The following APP variants were observed in gnomAD, a reference collection of about 807,000 sequenced individuals.
The protein encoded by APP is amyloid-beta precursor protein.
APP carries 31 observed loss-of-function variants against 101.4 expected under a neutral mutation model. The ratio of observed to expected loss-of-function variants is 0.31; its 90% CI spans 0.23 to 0.41. The LOEUF (loss-of-function observed/expected upper bound fraction) is 0.41, where lower values mean the gene tolerates loss of function less well. Among genes scored for constraint, APP ranks in the 10% least tolerant of loss-of-function variants. The pLI is 1.00. For missense variants in APP, 839 were observed against 1,003.7 expected, an observed-to-expected ratio of 0.84 and a Z score of 2.22; for synonymous variants, 366 against 364.4, an observed-to-expected ratio of 1.00 and a Z score of -0.05.
chr21:26,080,796 C>A (rs2146076554), intron 3 of APP, among the ~76,000 whole-genome samples: 1 of 151,362 alleles, frequency 6.6e-6, no homozygotes, highest in South Asian at 2.1e-4. Flanking sequence ...AAAAAAAAAT[C>A]CTGCTTTCCA....
chr21:25,976,005 T>C lies in APP; in HGVS notation c.1248A>G (p.Ala416=), dbSNP rs556540232. ...TAGGCAAGTTCTTTGCTTGACGTTC[T>C]GCCTCTTCCCATTCTCTCATGACCT... ...MSQVMREWEE[A]ERQAKNLPKA... The change falls in exon 10 of 18, where the codon GCA becomes GCG. Residue 416 remains alanine (A), a synonymous_variant. Coordinates refer to ENST00000346798, the MANE Select transcript of APP (RefSeq NM_000484.4). 23 of 1,613,918 alleles carry C rather than the reference T, an allele frequency of 1.4e-5. No homozygotes were observed. The African/African-American group carries it at 3.1e-4, about 22-fold the overall frequency.
At chr21:26,081,468 T>C (rs2061597865) in intron 3 of APP, among the ~76,000 whole-genome samples, 1 of 152,108 alleles carries the variant, frequency 6.6e-6, no homozygotes, top group African/African-American at 2.4e-5. Context: ...AAGAAGGAAT[T>C]TCACAAGATA....
At chr21:25,999,188 A>T (rs959038681) in intron 7 of APP, among the ~76,000 whole-genome samples, 2 of 152,108 alleles carry the variant, frequency 1.3e-5, no homozygotes, top group Admixed American at 1.3e-4. Context: ...GCTGCTGGGG[A>T]GGCTGAGGCA....
chr21:26,124,991 A>G (rs1252927614), intron 1 of APP, among the ~76,000 whole-genome samples: 7 of 152,264 alleles, frequency 4.6e-5, no homozygotes, highest in Non-Finnish European at 8.8e-5. Context: ...TGGAGTGTTA[A>G]TGCAGAGGTC....
chr21:25,981,711 G>GTTT (rs11330953), intron 9 of APP, among the ~76,000 whole-genome samples: 8 of 127,352 alleles, frequency 6.3e-5, no homozygotes, highest in Admixed American at 2.4e-4. Context: ...ACCAAAACAG[G>GTTT]TTTTTTTTTT....
intron 11 of APP, among the ~76,000 whole-genome samples, chr21:25,969,049 T>TAA (rs2146542644): frequency 6.6e-6 from 1 of 152,086 alleles, no homozygotes; most frequent in East Asian, 1.9e-4. Flanking sequence ...GAGGAAGGTA[T>TAA]AAAAGTCCTC....
chr21:26,092,436 A>T (rs2146121348), intron 2 of APP, among the ~76,000 whole-genome samples: 1 of 152,322 alleles, frequency 6.6e-6, no homozygotes, highest in African/African-American at 2.4e-5. Context: ...ATACTATATG[A>T]CATTCTTCCC....
At chr21:25,929,682 C>CA (rs1296542914) in intron 13 of APP, among the ~76,000 whole-genome samples, 1 of 152,104 alleles carries the variant, frequency 6.6e-6, no homozygotes, top group Non-Finnish European at 1.5e-5. Flanking sequence ...ATAACAGTAT[C>CA]ACATTTCATT....
intron 11 of APP, among the ~76,000 whole-genome samples, chr21:25,964,801 T>C (rs930168400): frequency 6.6e-6 from 1 of 152,134 alleles, no homozygotes; most frequent in Non-Finnish European, 1.5e-5. Context: ...GGTTTCTCCA[T>C]GTTGGTCCGG....
At chr21:25,895,817 G>C (rs1286662197) in intron 16 of APP, among the ~76,000 whole-genome samples, 2 of 152,194 alleles carry the variant, frequency 1.3e-5, no homozygotes, top group African/African-American at 2.4e-5. Context: ...ATACTAGTGT[G>C]AGGTAATCAG....
chr21:26,098,912 G>GT (rs1458984019), intron 2 of APP, among the ~76,000 whole-genome samples: 1 of 152,164 alleles, frequency 6.6e-6, no homozygotes, highest in Non-Finnish European at 1.5e-5. Flanking sequence ...ACCCGCATGT[G>GT]TTTTGCCAGG....
intron 6 of APP, among the ~76,000 whole-genome samples, chr21:26,016,196 A>G (rs941091589): frequency 6.6e-5 from 10 of 152,092 alleles, no homozygotes; most frequent in African/African-American, 2.4e-4. Context: ...ATGCCTAGCT[A>G]ATTTTTTTGT....
At chr21:26,047,982 C>T (rs2045679387) in intron 5 of APP, among the ~76,000 whole-genome samples, 1 of 152,106 alleles carries the variant, frequency 6.6e-6, no homozygotes, top group South Asian at 2.1e-4. Flanking sequence ...AAATTAAATT[C>T]ACCTGTTTCT....
chr21:26,100,148 G>A (rs2062024935), intron 2 of APP, among the ~76,000 whole-genome samples: 1 of 152,152 alleles, frequency 6.6e-6, no homozygotes, highest in Non-Finnish European at 1.5e-5. Flanking sequence ...ACATAGCCTA[G>A]ATTTTCCTAT....
intron 1 of APP, among the ~76,000 whole-genome samples, chr21:26,114,618 A>C (rs914928454): frequency 1.3e-5 from 2 of 152,196 alleles, no homozygotes; most frequent in Non-Finnish European, 2.9e-5. Flanking sequence ...GTTCTGAGAC[A>C]TTTGGTGCTA....
chr21:26,170,637 G>A lies in APP; in HGVS notation c.-17C>T. On this transcript the variant is annotated 5_prime_UTR_variant, in exon 1 of 18. Transcript: ENST00000346798. ...GGGCAGCATCGCGACCCTGCGCGGG[G>A]CACCGAGTGCGCTGCTGTGCGAGTG... 1 of 1,532,348 alleles carries A rather than the reference G, an allele frequency of 6.5e-7. No homozygotes were observed. 94.9% of individuals were successfully genotyped at this position (1,532,348 alleles called of 1,614,324 possible).
At position 26,150,629 on chromosome 21, in the gene APP, A is replaced by ATAGATAGATAGATAGG. The variant is rs58691670; in HGVS notation, c.57+19934_57+19935insCCTATCTATCTATCTA. On this transcript the variant is annotated intron_variant, in intron 1 of 17. Transcript: ENST00000346798. ...GACAGATAGATAGACAGATAGATAGACAGACAGACAGACAGATTGACTGAT... is the reference window on the plus strand; with the variant it reads ...GACAGATAGATAGACAGATAGATAGATAGATAGATAGATAGGCAGACAGACAGACAGATTGACTGAT... Among the ~76,000 whole-genome samples the ATAGATAGATAGATAGG allele has an allele frequency of 1.3e-4, 20 of 152,236 alleles. 2 individuals are homozygous for ATAGATAGATAGATAGG. The South Asian group carries it at 2.7e-3, about 21-fold the overall frequency.
At chr21:26,082,517 C>A (rs1000460128) in intron 3 of APP, among the ~76,000 whole-genome samples, 1 of 152,112 alleles carries the variant, frequency 6.6e-6, no homozygotes, top group African/African-American at 2.4e-5. Flanking sequence ...TAATAGTATT[C>A]ATTATAAATG....
At chr21:26,062,226 AACAAAC>A (rs1018812534) in intron 3 of APP, among the ~76,000 whole-genome samples, 5 of 86,478 alleles carry the variant, frequency 5.8e-5, no homozygotes, top group East Asian at 4.2e-4. Context: ...CAAACAAACA[AACAAAC>A]ACACACACAC....
Sources: gnomAD v4.1 joint callset for allele counts (sites outside exome capture counted in the v4.1 genomes callset) on GRCh38, gnomAD v4.1.1 for gene constraint, MANE v1.5 for transcripts, NCBI Gene and HGNC (gene_info 2026-07-23, HGNC 2026-07-21) for gene names.